The following HACE1 variants were observed in gnomAD, a reference collection of about 807,000 sequenced individuals.
The protein encoded by HACE1 is HECT domain and ankyrin repeat containing E3 ubiquitin protein ligase 1.
A neutral mutation model predicts 118.4 loss-of-function variants in HACE1; 73 were observed. The observed-to-expected ratio is 0.62, with a 90% CI of 0.51 to 0.75. The LOEUF is 0.75. Ranked by LOEUF, HACE1 falls within the 30% of genes least tolerant of loss-of-function variation. The pLI is 0.00. For synonymous variants in HACE1, 368 were observed against 374.8 expected (o/e 0.98, Z 0.21); for missense variants, 749 against 1,102.2 (o/e 0.68, Z 4.54).
intron 19 of HACE1, among the ~76,000 whole-genome samples, chr6:104,756,972 C>G (rs960035887): frequency 6.6e-6 from 1 of 152,180 alleles, no homozygotes; most frequent in Non-Finnish European, 1.5e-5. Flanking sequence ...TGACCTGGGT[C>G]GCTGGACCTT....
At chr6:104,763,801 G>A (rs1779665475) in intron 19 of HACE1, among the ~76,000 whole-genome samples, 1 of 152,162 alleles carries the variant, frequency 6.6e-6, no homozygotes, top group Admixed American at 6.5e-5. Flanking sequence ...TATAATCCCA[G>A]CACTTTGGGA....
intron 19 of HACE1, among the ~76,000 whole-genome samples, chr6:104,762,313 T>A (rs950351299): frequency 3.3e-5 from 5 of 152,140 alleles, no homozygotes; most frequent in Non-Finnish European, 7.3e-5. Context: ...TGTCCATCAA[T>A]GATAGACTGG....
At chr6:104,756,916 G>A (rs1345551245) in intron 19 of HACE1, among the ~76,000 whole-genome samples, 2 of 152,230 alleles carry the variant, frequency 1.3e-5, no homozygotes, top group Non-Finnish European at 2.9e-5. Flanking sequence ...TCAGAGGGTC[G>A]CATGCCCATG....
At chr6:104,819,584 C>A (rs1486390175) in intron 6 of HACE1, among the ~76,000 whole-genome samples, 4 of 152,130 alleles carry the variant, frequency 2.6e-5, no homozygotes, top group African/African-American at 9.7e-5. Flanking sequence ...ACAGACACGG[C>A]AATCCTAAGC....
chr6:104,740,593 T>C (rs1776550987), intron 22 of HACE1, among the ~76,000 whole-genome samples: 1 of 151,446 alleles, frequency 6.6e-6, no homozygotes, highest in Non-Finnish European at 1.5e-5. Flanking sequence ...ACATACACTC[T>C]CCCAAGACTA....
intron 4 of HACE1, among the ~76,000 whole-genome samples, chr6:104,843,981 C>T (rs976169742): frequency 6.6e-5 from 10 of 151,190 alleles, no homozygotes; most frequent in Admixed American, 3.9e-4. Flanking sequence ...CTCAGCCTTC[C>T]GAGTAGCTGG....
At chr6:104,817,760 A>G (rs1772271547) in intron 6 of HACE1, among the ~76,000 whole-genome samples, 1 of 152,238 alleles carries the variant, frequency 6.6e-6, no homozygotes, top group African/African-American at 2.4e-5. Context: ...GCCATCCTCA[A>G]AAAAGAACGT....
Position 104,852,373 on chromosome 6 carries a change from T to G in HACE1, c.77-2A>C, listed in dbSNP as rs200100402. On this transcript the variant is annotated splice_acceptor_variant, in intron 1 of 23. Transcript: ENST00000262903. LOFTEE classifies it high-confidence loss of function. ...ATGTATAAACAGCAGTTTCATTATC[T>G]GAGTAAAAAAAAACAAAGAGTTCAT... is the stretch of plus-strand genomic sequence containing the variant. The G allele has an allele frequency of 6.6e-7, 1 of 1,510,326 alleles. No homozygotes were observed. Among genetic ancestry groups the G allele is most frequent in the South Asian group, 1.1e-5 (1 of 87,688 alleles). The allele number at this position is 1,510,326 out of a possible 1,614,324, so 93.6% of individuals were successfully genotyped here. A position where few individuals can be genotyped will look rare whatever the true frequency, so the allele number is the denominator to read the frequency against.
rs1430169256 is a variant in HACE1 at position 104,815,763 on chromosome 6, T to A, written c.535-4370A>T. Among the ~76,000 whole-genome samples the A allele has an allele frequency of 2.9e-5, 4 of 138,196 alleles. 1 individual carries two copies. Among genetic ancestry groups the A allele is most frequent in the Non-Finnish European group, 6.2e-5 (4 of 64,198 alleles). 90.7% of individuals were successfully genotyped at this position (138,196 alleles called of 152,430 possible). On this transcript the variant is annotated intron_variant, in intron 6 of 23. Coordinates refer to ENST00000262903, the MANE Select transcript of HACE1 (RefSeq NM_020771.4). ...GCATTCACAAAGAGATGGTTTGAAA[T>A]TGGAATATGTTTAAAAGGGAAACAG...
intron 19 of HACE1, among the ~76,000 whole-genome samples, chr6:104,767,084 A>G (rs137992468): frequency 6.6e-6 from 1 of 152,228 alleles, no homozygotes; most frequent in African/African-American, 2.4e-5. Flanking sequence ...CTGTTTCCAC[A>G]CTAAATAAAG....
intron 17 of HACE1, among the ~76,000 whole-genome samples, chr6:104,775,057 T>C (rs1781081803): frequency 6.6e-6 from 1 of 152,066 alleles, no homozygotes; most frequent in Non-Finnish European, 1.5e-5. Context: ...AATCAAAATG[T>C]TTGGCCAGAC....
At chr6:104,803,998 T>C (rs1770703115) in intron 7 of HACE1, among the ~76,000 whole-genome samples, 1 of 152,174 alleles carries the variant, frequency 6.6e-6, no homozygotes, top group Non-Finnish European at 1.5e-5. Context: ...CTTAAGCTGA[T>C]AAGCAACTTC....
At chr6:104,765,479 GT>G (rs1562319630) in intron 19 of HACE1, among the ~76,000 whole-genome samples, 1 of 152,158 alleles carries the variant, frequency 6.6e-6, no homozygotes. Flanking sequence ...CAACAAAATA[GT>G]GATATTTTAA....
intron 14 of HACE1, chr6:104,780,470 A>G (rs961436968): frequency 1.7e-5 from 6 of 347,850 alleles, no homozygotes; most frequent in African/African-American, 1.3e-4. Context: ...GAAAACCACC[A>G]ACAGAAGAAG....
intron 3 of HACE1, among the ~76,000 whole-genome samples, chr6:104,849,781 TG>T (rs1158267715): frequency 6.6e-6 from 1 of 151,702 alleles, no homozygotes; most frequent in East Asian, 1.9e-4. Flanking sequence ...CCCGAGTAGC[TG>T]GGACTACAGG....
Position 104,859,702 on chromosome 6 carries a change from C to T in HACE1, c.-60G>A. 5.7e-6 allele frequency: 8 copies of T among 1,413,258 alleles called. No homozygotes were observed. The highest frequency in any genetic ancestry group is 1.2e-5 in the South Asian group (1 of 80,098). The allele number at this position is 1,413,258 out of a possible 1,614,324, so 87.5% of individuals were successfully genotyped here. A position where few individuals can be genotyped will look rare whatever the true frequency, so the allele number is the denominator to read the frequency against. On this transcript the variant is annotated 5_prime_UTR_variant, in exon 1 of 24. Coordinates refer to ENST00000262903, the MANE Select transcript of HACE1 (RefSeq NM_020771.4). Reference sequence around the variant, plus strand: ...CCGCCCCACCGGCGGCCTCCGCGCCCAGAGCCCTACATCTCGCCTGGGCCC... The same window carrying T: ...CCGCCCCACCGGCGGCCTCCGCGCCTAGAGCCCTACATCTCGCCTGGGCCC...
chr6:104,818,825 T>C (rs1772383708), intron 6 of HACE1, among the ~76,000 whole-genome samples: 1 of 151,988 alleles, frequency 6.6e-6, no homozygotes, highest in Non-Finnish European at 1.5e-5. Flanking sequence ...TTTGATAAAA[T>C]TCAACATCGA....
intron 7 of HACE1, among the ~76,000 whole-genome samples, chr6:104,806,622 T>C (rs1039611303): frequency 6.6e-6 from 1 of 152,190 alleles, no homozygotes; most frequent in African/African-American, 2.4e-5. Flanking sequence ...GAGTGTTGCA[T>C]AAAAGATTTT....
At chr6:104,847,056 G>A (rs1775736632) in intron 4 of HACE1, among the ~76,000 whole-genome samples, 2 of 152,146 alleles carry the variant, frequency 1.3e-5, no homozygotes, top group Admixed American at 6.5e-5. Context: ...GACAGAAAGA[G>A]TGATCAAAAC....
Sources: allele counts gnomAD v4.1 joint callset (sites outside exome capture counted in the v4.1 genomes callset), GRCh38; gene constraint gnomAD v4.1.1; transcripts MANE v1.5; gene names NCBI Gene and HGNC (gene_info 2026-07-23, HGNC 2026-07-21).